Variants in CAMK2B observed in about 807,000 individuals in gnomAD.
CAMK2B encodes calcium/calmodulin-dependent protein kinase type II subunit beta.
In CAMK2B, 27 loss-of-function variants were observed where a neutral mutation model predicts 93.7. The ratio of observed to expected loss-of-function variants is 0.29; its 90% CI spans 0.21 to 0.40. The LOEUF is 0.40. Among genes scored for constraint, CAMK2B ranks in the 10% least tolerant of loss-of-function variants. The pLI is 1.00. For synonymous variants in CAMK2B, 374 were observed against 358.8 expected (o/e 1.04, Z -0.48); for missense variants, 568 against 895.8 (o/e 0.63, Z 4.67).
intron 3 of CAMK2B, among the ~76,000 whole-genome samples, chr7:44,261,792 C>T (rs577449128): frequency 6.4e-4 from 98 of 152,116 alleles, no homozygotes; most frequent in Non-Finnish European, 1.1e-3. Flanking sequence ...TAAATAAAAA[C>T]AGTAAGCAAA....
chr7:44,307,536 G>T (rs949787986), intron 1 of CAMK2B, among the ~76,000 whole-genome samples: 2 of 151,994 alleles, frequency 1.3e-5, no homozygotes, highest in African/African-American at 4.8e-5. Context: ...CACTGGGAAT[G>T]GTCTGCCAGG....
intron 2 of CAMK2B, among the ~76,000 whole-genome samples, chr7:44,276,487 G>A (rs986670245): frequency 4.1e-4 from 63 of 152,290 alleles, no homozygotes; most frequent in African/African-American, 1.5e-3. Flanking sequence ...CTGGGGAAAG[G>A]GGGGGCGTGC....
chr7:44,316,431 GT>G (rs1206014625), intron 1 of CAMK2B, among the ~76,000 whole-genome samples: 3 of 152,122 alleles, frequency 2.0e-5, no homozygotes, highest in Middle Eastern at 3.2e-3. Context: ...TATTTTGCTA[GT>G]GTTTTGTTGA....
chr7:44,244,137 C>T (rs1344841382), intron 6 of CAMK2B, among the ~76,000 whole-genome samples: 1 of 152,208 alleles, frequency 6.6e-6, no homozygotes, highest in Non-Finnish European at 1.5e-5. Flanking sequence ...CCAAGTCCCC[C>T]TGGCTCTGGT....
intron 1 of CAMK2B, among the ~76,000 whole-genome samples, chr7:44,295,047 A>G (rs555379800): frequency 1.3e-5 from 2 of 152,334 alleles, no homozygotes; most frequent in South Asian, 4.1e-4. Flanking sequence ...AATCAGGAAG[A>G]CCTGGGGTGA....
At chr7:44,230,799 C>T (rs1238402124) in intron 17 of CAMK2B, among the ~76,000 whole-genome samples, 4 of 152,174 alleles carry the variant, frequency 2.6e-5, no homozygotes, top group African/African-American at 4.8e-5. Flanking sequence ...GCCCAGCTGT[C>T]GGTCATCTCT....
In CAMK2B at chr7:44,311,264, T is replaced by C. The variant is rs1028458376; in HGVS notation, c.65+14093A>G. Among the ~76,000 whole-genome samples the C allele has an allele frequency of 6.6e-6, 1 of 152,028 alleles. No individual in the cohort carries two copies. The highest frequency in any genetic ancestry group is 1.5e-5 in the Non-Finnish European group (1 of 67,992). On this transcript the variant is annotated intron_variant, in intron 1 of 23. Transcript: ENST00000395749. This position sits in a 1 kb window ranked among gnomAD's most constrained non-coding sequence, Gnocchi z 4.2. The stretch of plus-strand genomic sequence containing the variant: ...CACATTTTTGTATTTTTAGTAGACA[T>C]GGGGTTTCACCATGTTGGCCAGGCT...
intron 13 of CAMK2B, among the ~76,000 whole-genome samples, chr7:44,238,322 C>T (rs2096645069): frequency 1.3e-5 from 2 of 152,208 alleles, no homozygotes; most frequent in African/African-American, 2.4e-5. Context: ...TGCAGACAGG[C>T]GGGCATTGCA....
At chr7:44,289,547 T>A (rs1469151044) in intron 1 of CAMK2B, among the ~76,000 whole-genome samples, 1 of 152,130 alleles carries the variant, frequency 6.6e-6, no homozygotes, top group African/African-American at 2.4e-5. Context: ...CCACAGCCTA[T>A]CCCGTGTGGT....
Position 44,220,044 on chromosome 7 carries a change from A to T in CAMK2B, c.*2+16T>A. ...CACCCCTCTGCCCCAGCTGTCACTTAGCACAGAACACTCACCTTCACTGCA... is the reference window on the plus strand; with the variant it reads ...CACCCCTCTGCCCCAGCTGTCACTTTGCACAGAACACTCACCTTCACTGCA... On this transcript the variant is annotated intron_variant, in intron 23 of 23. Transcript: ENST00000395749. 1 of 1,544,952 alleles carries T rather than the reference A, an allele frequency of 6.5e-7. No homozygotes were observed. The highest frequency in any genetic ancestry group is 8.7e-7 in the Non-Finnish European group (1 of 1,147,412).
intron 1 of CAMK2B, among the ~76,000 whole-genome samples, chr7:44,313,297 T>C (rs1195541190): frequency 6.6e-6 from 1 of 152,126 alleles, no homozygotes; most frequent in African/African-American, 2.4e-5. Context: ...GTCGTCCTGC[T>C]GCTATGAGGC....
chr7:44,283,300 GCACAAGGACAGGGAGACCC>G, intron 2 of CAMK2B, among the ~76,000 whole-genome samples: 1 of 152,374 alleles, frequency 6.6e-6, no homozygotes. Context: ...GACAAGGACA[GCACAAGGACAGGGAGACCC>G]CACAAGGGCA....
intron 17 of CAMK2B, chr7:44,229,814 C>T: frequency 7.1e-6 from 2 of 282,836 alleles, no homozygotes; most frequent in Non-Finnish European, 1.3e-5. Flanking sequence ...CTGTGACCAC[C>T]CCTGGCCAGA....
intron 1 of CAMK2B, among the ~76,000 whole-genome samples, chr7:44,298,097 C>T (rs1251815847): frequency 5.3e-5 from 8 of 152,036 alleles, no homozygotes; most frequent in Non-Finnish European, 1.0e-4. Flanking sequence ...GCATTCCAGC[C>T]GGGGTGACAG....
At position 44,226,570 on chromosome 7, in the gene CAMK2B, C is replaced by A. The variant is rs367731329; in HGVS notation, c.1543G>T (p.Val515Leu). ...GTPEAEGPSP[V>L]GPPPCPSPTI... ...GGAGATGGGCAGGGCGGGGGCCCCACTGGCGAGGGGCCCTCGGCTTCTGGG... is the reference window on the plus strand; with the variant it reads ...GGAGATGGGCAGGGCGGGGGCCCCAATGGCGAGGGGCCCTCGGCTTCTGGG... The change falls in exon 20 of 24, where the codon GTG becomes TTG. Residue 515 changes from valine to leucine, a missense_variant. Coordinates refer to ENST00000395749, the MANE Select transcript of CAMK2B (RefSeq NM_001220.5). The A allele has an allele frequency of 3.5e-4, 514 of 1,475,678 alleles. No homozygotes were observed. The highest frequency in any genetic ancestry group is 6.4e-4 in the South Asian group (43 of 66,724). 91.4% of individuals were successfully genotyped at this position (1,475,678 alleles called of 1,614,324 possible).
chr7:44,311,078 A>AT lies in CAMK2B; in HGVS notation c.65+14278dup, dbSNP rs1373824352. On this transcript the variant is annotated intron_variant, in intron 1 of 23. Transcript: ENST00000395749. The surrounding 1 kb of genome is among the most constrained non-coding windows in gnomAD (Gnocchi z 4.2). ...TTAAAATCTGGTTTTTATTTTTATTATTTTTTTACTTTTTTGAGACAGTCT... is the reference window on the plus strand; with the variant it reads ...TTAAAATCTGGTTTTTATTTTTATTATTTTTTTTACTTTTTTGAGACAGTCT... Among the ~76,000 whole-genome samples the AT allele has an allele frequency of 2.0e-5, 3 of 151,952 alleles. No homozygotes were observed. The highest frequency in any genetic ancestry group is 4.4e-5 in the Non-Finnish European group (3 of 67,974).
Position 44,225,634 on chromosome 7 carries a change from C to T in CAMK2B, c.1597+882G>A, listed in dbSNP as rs1404983700. On this transcript the variant is annotated intron_variant, in intron 20 of 23. Coordinates refer to ENST00000395749, the MANE Select transcript of CAMK2B (RefSeq NM_001220.5). The surrounding 1 kb of genome is among the most constrained non-coding windows in gnomAD (Gnocchi z 5.0). ...TGAGCCTGCAGCCTGCATCCCCCTC[C>T]TCGAGCCGCTGCTCCTGTGGGTTCA... 3 of 860,686 alleles carry T rather than the reference C, an allele frequency of 3.5e-6. No homozygotes were observed. The highest frequency in any genetic ancestry group is 1.3e-4 in the East Asian group (2 of 15,818). The allele number at this position is 860,686 out of a possible 1,614,324, so 53.3% of individuals were successfully genotyped here. A position where few individuals can be genotyped will look rare whatever the true frequency, so the allele number is the denominator to read the frequency against.
intron 13 of CAMK2B, 64 bp downstream of exon 13, chr7:44,239,525 G>T: frequency 2.1e-6 from 3 of 1,402,698 alleles, no homozygotes; most frequent in South Asian, 2.5e-5. Context: ...CGTGCAGCAG[G>T]GGGCTGCATG....
intron 2 of CAMK2B, among the ~76,000 whole-genome samples, chr7:44,265,430 C>G (rs886897194): frequency 6.6e-6 from 1 of 152,262 alleles, no homozygotes; most frequent in Non-Finnish European, 1.5e-5. Context: ...CACACATCGC[C>G]ACGGGACGTG....
Sources: allele counts gnomAD v4.1 joint callset (sites outside exome capture counted in the v4.1 genomes callset), GRCh38; gene constraint gnomAD v4.1.1; non-coding constraint Gnocchi (gnomAD v3.1); transcripts MANE v1.5; gene names NCBI Gene and HGNC (gene_info 2026-07-23, HGNC 2026-07-21).